The following MPDZ variants were observed in gnomAD, a reference collection of about 807,000 sequenced individuals.
MPDZ encodes multiple PDZ domain protein.
A neutral mutation model predicts 239.1 loss-of-function variants in MPDZ; 234 were observed. The ratio of observed to expected loss-of-function variants is 0.98; its 90% CI spans 0.88 to 1.09. The LOEUF (loss-of-function observed/expected upper bound fraction) is 1.09. MPDZ is among the 50% of genes least tolerant of loss of function. MPDZ has a pLI of 0.00. For missense variants in MPDZ, 3,175 were observed against 2,510.0 expected (o/e 1.26, Z -5.66); for synonymous variants, 1,048 against 881.3 (o/e 1.19, Z -3.35).
intron 3 of MPDZ, among the ~76,000 whole-genome samples, chr9:13,231,610 T>G (rs1200465415): frequency 6.6e-6 from 1 of 151,666 alleles, no homozygotes; most frequent in Admixed American, 6.6e-5. Flanking sequence ...CATGCACTAT[T>G]AAAAATCCCC....
At chr9:13,237,711 T>C (rs1456004410) in intron 3 of MPDZ, among the ~76,000 whole-genome samples, 4 of 152,118 alleles carry the variant, frequency 2.6e-5, no homozygotes, top group Admixed American at 6.5e-5. Flanking sequence ...TTGCCGCCCA[T>C]AATAAAATTT....
chr9:13,168,263 G>A (rs930865734), intron 22 of MPDZ, 103 bp downstream of exon 22: 2 of 1,022,176 alleles, frequency 2.0e-6, no homozygotes, highest in East Asian at 2.5e-5. Flanking sequence ...AAAAAAATGT[G>A]ATAACGTTTG....
chr9:13,183,705 A>G, intron 18 of MPDZ, 120 bp from the exon 19 acceptor site: 1 of 947,456 alleles, frequency 1.1e-6, no homozygotes, highest in East Asian at 2.6e-5. Context: ...TATTTTCTAT[A>G]TGCCCTCTTA....
At position 13,212,964 on chromosome 9, in the gene MPDZ, T is replaced by C. The variant is rs12352573; in HGVS notation, c.1290+3810A>G. 6.7e-3 allele frequency among the ~76,000 whole-genome samples: 1,020 copies of C among 152,122 alleles called. 9 individuals carry two copies. Among genetic ancestry groups the C allele is most frequent in the African/African-American group, 0.024 (991 of 41,538 alleles). The stretch of plus-strand genomic sequence containing the variant: ...TGCCAGGGCCTCCTCCAACATATCC[T>C]ATACGTATAAAGAGAGAACTTCAAT... On this transcript the variant is annotated intron_variant, in intron 10 of 46. Transcript: ENST00000319217.
At chr9:13,186,682 AT>A (rs556959305) in intron 17 of MPDZ, among the ~76,000 whole-genome samples, 2,003 of 150,436 alleles carry the variant, frequency 0.013, 33 homozygotes, top group African/African-American at 0.041. Context: ...TTTTAAATGA[AT>A]TTTTTTTTTA....
At chr9:13,235,308 A>C (rs1000498263) in intron 3 of MPDZ, among the ~76,000 whole-genome samples, 2 of 152,174 alleles carry the variant, frequency 1.3e-5, no homozygotes, top group Non-Finnish European at 2.9e-5. Context: ...ATAAGTTATA[A>C]GAAGGGAAAA....
chr9:13,216,075 A>T (rs1198415494), intron 10 of MPDZ, among the ~76,000 whole-genome samples: 1 of 150,458 alleles, frequency 6.6e-6, no homozygotes, highest in East Asian at 2.0e-4. Flanking sequence ...TTCATACAAG[A>T]CTATATTGTA....
intron 3 of MPDZ, among the ~76,000 whole-genome samples, chr9:13,246,186 T>C (rs964947852): frequency 1.2e-4 from 19 of 152,100 alleles, no homozygotes; most frequent in African/African-American, 4.3e-4. Context: ...GATGGCTCAC[T>C]CCTGTAATCC....
At chr9:13,254,659 G>T (rs938153974) in intron 1 of MPDZ, among the ~76,000 whole-genome samples, 5 of 152,018 alleles carry the variant, frequency 3.3e-5, no homozygotes, top group African/African-American at 1.2e-4. Context: ...CAACAAAAGG[G>T]GTCACATGAA....
intron 3 of MPDZ, among the ~76,000 whole-genome samples, chr9:13,230,895 G>C (rs962155071): frequency 2.0e-5 from 3 of 151,982 alleles, no homozygotes; most frequent in African/African-American, 7.2e-5. Context: ...CTTAGACTTA[G>C]ATGTAAGAGG....
chr9:13,192,047 A>G, intron 15 of MPDZ, 84 bp downstream of exon 15: 1 of 1,229,108 alleles, frequency 8.1e-7, no homozygotes, highest in Non-Finnish European at 1.1e-6. Context: ...TCAAATACCA[A>G]ATTGAAAAAT....
chr9:13,160,848 A>ATATATG (rs1950383492), intron 23 of MPDZ, among the ~76,000 whole-genome samples: 1 of 117,390 alleles, frequency 8.5e-6, no homozygotes, highest in Non-Finnish European at 1.8e-5. Context: ...ATATATATAT[A>ATATATG]TATATATATA....
chr9:13,163,828 T>G (rs964771029), intron 22 of MPDZ, among the ~76,000 whole-genome samples: 1 of 152,206 alleles, frequency 6.6e-6, no homozygotes, highest in Admixed American at 6.6e-5. Flanking sequence ...TAAAAATTTA[T>G]ACCAATGTCA....
chr9:13,226,747 G>A (rs1960745028), intron 3 of MPDZ, among the ~76,000 whole-genome samples: 1 of 152,066 alleles, frequency 6.6e-6, no homozygotes, highest in South Asian at 2.1e-4. Flanking sequence ...CGACTAGAAT[G>A]CAAAAACTCT....
chr9:13,253,487 A>G (rs1468058298), intron 1 of MPDZ, among the ~76,000 whole-genome samples: 1 of 152,192 alleles, frequency 6.6e-6, no homozygotes, highest in Non-Finnish European at 1.5e-5. Flanking sequence ...TGTAATCACA[A>G]AATTTTTTAG....
intron 21 of MPDZ, among the ~76,000 whole-genome samples, chr9:13,171,638 A>G (rs1242949316): frequency 1.3e-5 from 2 of 152,198 alleles, no homozygotes; most frequent in African/African-American, 4.8e-5. Context: ...TTCAAAGGTC[A>G]CTATATGCAC....
intron 34 of MPDZ, 89 bp from the exon 35 acceptor site, chr9:13,125,479 T>C: frequency 8.1e-7 from 1 of 1,230,106 alleles, no homozygotes; most frequent in Non-Finnish European, 1.1e-6. Context: ...TGGAATCTAA[T>C]TCTCTCTATG....
At position 13,183,413 on chromosome 9, in the gene MPDZ, T is replaced by C; in HGVS notation, c.2649+5A>G. On this transcript the variant is annotated splice_donor_5th_base_variant and intron_variant, in intron 19 of 46. Coordinates refer to ENST00000319217, the MANE Select transcript of MPDZ (RefSeq NM_001378778.1). The stretch of plus-strand genomic sequence containing the variant: ...ATAAAAGAAAAATTGGCTTTTCCTT[T>C]GTACCTTAGGAGGAGATGATGGAAG... 6.3e-7 allele frequency: 1 copy of C among 1,592,372 alleles called. No homozygotes were observed. The highest frequency in any genetic ancestry group is 8.5e-7 in the Non-Finnish European group (1 of 1,173,094).
chr9:13,110,002 A>AAAGAAAG lies in MPDZ; in HGVS notation c.5891_5892insCTTTCTT (p.Leu1965PhefsTer17), dbSNP rs1456151315. 6.2e-7 allele frequency: 1 copy of AAAGAAAG among 1,613,390 alleles called. No homozygotes were observed. Among genetic ancestry groups the AAAGAAAG allele is most frequent in the South Asian group, 1.1e-5 (1 of 90,992 alleles). ...TTGACGTCAGCCCAGTGAAAGAAAG[A>AAAGAAAG]CTGGAACTTGCAGGCTCCTGCTGAT... On this transcript the variant is annotated frameshift_variant, in exon 45 of 47. Coordinates refer to ENST00000319217, the MANE Select transcript of MPDZ (RefSeq NM_001378778.1). LOFTEE classifies it high-confidence loss of function.
Sources: allele counts gnomAD v4.1 joint callset (sites outside exome capture counted in the v4.1 genomes callset), GRCh38; gene constraint gnomAD v4.1.1; transcripts MANE v1.5; gene names NCBI Gene and HGNC (gene_info 2026-07-23, HGNC 2026-07-21).